AFG2A: variants seen among roughly 807,000 people sequenced by gnomAD.
AFG2A encodes ATPase family gene 2 protein homolog A.
At chr4:123,168,490 C>G in the AFG2A span, among the ~76,000 whole-genome samples, 2 of 152,038 alleles carry the variant, frequency 1.3e-5, no homozygotes, top group African/African-American at 4.8e-5. Flanking sequence ...TGCCATTTCT[C>G]CTAGTAAAAA....
the AFG2A span, among the ~76,000 whole-genome samples, chr4:123,289,940 T>G: frequency 2.0e-5 from 3 of 152,154 alleles, no homozygotes. Flanking sequence ...GGTGGTTTGC[T>G]GCACCTACCA....
the AFG2A span, among the ~76,000 whole-genome samples, chr4:123,306,783 A>AT: frequency 6.6e-6 from 1 of 152,136 alleles, no homozygotes; most frequent in Non-Finnish European, 1.5e-5. Flanking sequence ...TCAGGTATCC[A>AT]TTTTTTAGTC....
chr4:123,184,180 T>A, the AFG2A span, among the ~76,000 whole-genome samples: 2 of 152,172 alleles, frequency 1.3e-5, no homozygotes. Flanking sequence ...TACATGTTGA[T>A]TTTAGCGAAC....
chr4:123,033,893 ATAACTCCC>A, the AFG2A span, among the ~76,000 whole-genome samples: 1 of 152,158 alleles, frequency 6.6e-6, no homozygotes, highest in Non-Finnish European at 1.5e-5. Context: ...TTTGGGGGGC[ATAACTCCC>A]CACTCCTTGA....
At chr4:123,113,150 G>T in the AFG2A span, among the ~76,000 whole-genome samples, 2 of 152,074 alleles carry the variant, frequency 1.3e-5, no homozygotes, top group South Asian at 4.1e-4. Context: ...ATTTTCTTGT[G>T]TTTATTTTCA....
chr4:122,940,420 T>C, the AFG2A span, among the ~76,000 whole-genome samples: 26 of 152,248 alleles, frequency 1.7e-4, no homozygotes, highest in Non-Finnish European at 2.8e-4. Context: ...TTTGACTGCA[T>C]AAATGTCTTC....
At chr4:123,316,778 A>G in the AFG2A span, 1 of 152,206 alleles carries the variant, frequency 6.6e-6, no homozygotes, top group Non-Finnish European at 1.5e-5. Context: ...TGAAGTGACA[A>G]CTGAGCTCTG....
At chr4:123,229,767 T>C in the AFG2A span, among the ~76,000 whole-genome samples, 15,205 of 151,938 alleles carry the variant, frequency 0.1, 874 homozygotes, top group Middle Eastern at 0.17. Flanking sequence ...ACCTGTATGC[T>C]GTGTCAGTTA....
chr4:122,951,321 C>A, the AFG2A span, among the ~76,000 whole-genome samples: 3 of 151,922 alleles, frequency 2.0e-5, no homozygotes, highest in Non-Finnish European at 4.4e-5. Flanking sequence ...AATACTGTGC[C>A]ATTTTATATA....
the AFG2A span, among the ~76,000 whole-genome samples, chr4:123,071,696 A>G: frequency 6.6e-6 from 1 of 152,114 alleles, no homozygotes; most frequent in Non-Finnish European, 1.5e-5. Flanking sequence ...ACATCTGTAT[A>G]ATAGCTGACA....
chr4:122,983,190 A>ATAGTAGTC, the AFG2A span, among the ~76,000 whole-genome samples: 1 of 151,936 alleles, frequency 6.6e-6, no homozygotes, highest in Non-Finnish European at 1.5e-5. Context: ...TCTTTTTTTT[A>ATAGTAGTC]TAGTAGTCTA....
chr4:123,029,925 G>T, the AFG2A span, among the ~76,000 whole-genome samples: 2 of 152,152 alleles, frequency 1.3e-5, no homozygotes, highest in Non-Finnish European at 2.9e-5. Context: ...GGAGTGAGCT[G>T]CTGCAACACA....
At chr4:123,204,886 C>A in the AFG2A span, among the ~76,000 whole-genome samples, 1 of 152,158 alleles carries the variant, frequency 6.6e-6, no homozygotes, top group East Asian at 1.9e-4. Flanking sequence ...AAGAATGTTG[C>A]AAGTTAGTTT....
At chr4:122,994,918 T>C in the AFG2A span, among the ~76,000 whole-genome samples, 1 of 152,134 alleles carries the variant, frequency 6.6e-6, no homozygotes, top group South Asian at 2.1e-4. Context: ...TCTCTTTCAC[T>C]AATTATATAT....
the AFG2A span, among the ~76,000 whole-genome samples, chr4:123,074,859 T>C: frequency 5.9e-5 from 9 of 152,192 alleles, no homozygotes; most frequent in East Asian, 1.7e-3. Flanking sequence ...TTATAGAATT[T>C]AGGGTTTCGA....
At chr4:122,977,465 C>T in the AFG2A span, among the ~76,000 whole-genome samples, 868 of 152,282 alleles carry the variant, frequency 5.7e-3, 8 homozygotes, top group African/African-American at 0.019. Context: ...TGTTTTCCAC[C>T]GTGGGCACCA....
the AFG2A span, among the ~76,000 whole-genome samples, chr4:123,137,636 C>T: frequency 6.6e-6 from 1 of 152,120 alleles, no homozygotes; most frequent in Non-Finnish European, 1.5e-5. Flanking sequence ...ATCTTGTTTG[C>T]TGTACAGTCT....
At chr4:123,057,251 T>G in the AFG2A span, 2 of 1,613,984 alleles carry the variant, frequency 1.2e-6, no homozygotes, top group Non-Finnish European at 1.7e-6. Context: ...CATTATTTTC[T>G]TTGATGAACT....
At chr4:123,126,278 G>C in the AFG2A span, among the ~76,000 whole-genome samples, 1 of 152,040 alleles carries the variant, frequency 6.6e-6, no homozygotes, top group South Asian at 2.1e-4. Context: ...TTGACTGCCT[G>C]TCTTAACAGC....
Sources: allele counts gnomAD v4.1 joint callset (sites outside exome capture counted in the v4.1 genomes callset), GRCh38; gene constraint gnomAD v4.1.1; transcripts MANE v1.5; gene names NCBI Gene and HGNC (gene_info 2026-07-23, HGNC 2026-07-21).